Variants in STPG1 observed in about 807,000 individuals in gnomAD.
STPG1 encodes O(6)-methylguanine-induced apoptosis 2.
STPG1 carries 33 observed loss-of-function variants against 40.1 expected under a neutral mutation model. The observed-to-expected ratio is 0.82, with a 90% CI of 0.62 to 1.10. The LOEUF (loss-of-function observed/expected upper bound fraction) is 1.10. STPG1 is among the 50% of genes least tolerant of loss of function. STPG1 has a pLI of 0.00. For synonymous variants in STPG1, 150 were observed against 155.0 expected (o/e 0.97, Z 0.24); for missense variants, 396 against 415.1 (o/e 0.95, Z 0.40).
chr1:24,376,904 C>A (rs986345810), intron 5 of STPG1, among the ~76,000 whole-genome samples: 8 of 152,124 alleles, frequency 5.3e-5, no homozygotes, highest in Non-Finnish European at 8.8e-5. Flanking sequence ...TTTCCAGAAC[C>A]CACTCTCCAA....
rs775686308 is a variant in STPG1, at chr1:24,358,260, G to A, written c.*283C>T. 4.4e-5 allele frequency: 28 copies of A among 631,392 alleles called. No homozygotes were observed. Among genetic ancestry groups the A allele is most frequent in the South Asian group, 4.2e-4 (28 of 66,120 alleles). 39.1% of individuals were successfully genotyped at this position (631,392 alleles called of 1,614,324 possible). ...GTCGTGCCGGAAGGCAGCCTGGATGGGTGCGTGGGGAAGCAGCCAGGGGGC... is the reference window on the plus strand; with the variant it reads ...GTCGTGCCGGAAGGCAGCCTGGATGAGTGCGTGGGGAAGCAGCCAGGGGGC... On this transcript the variant is annotated 3_prime_UTR_variant, in exon 9 of 9. Transcript: ENST00000337248.
upstream of STPG1, chr1:24,414,066 CAG>C (rs1643898523): frequency 6.6e-6 from 1 of 150,830 alleles, no homozygotes; most frequent in East Asian, 1.9e-4. Flanking sequence ...TTTTTTGAGA[CAG>C]AGTCTCGCTT....
intron 3 of STPG1, among the ~76,000 whole-genome samples, chr1:24,385,870 G>A (rs1642484044): frequency 6.6e-6 from 1 of 152,218 alleles, no homozygotes; most frequent in Non-Finnish European, 1.5e-5. Flanking sequence ...TGGGCCTTGG[G>A]TGCTTTTGAG....
intron 4 of STPG1, among the ~76,000 whole-genome samples, chr1:24,382,202 C>G (rs1642316563): frequency 6.6e-6 from 1 of 152,150 alleles, no homozygotes; most frequent in South Asian, 2.1e-4. Flanking sequence ...GCACGCAAAG[C>G]CTTGTAGACA....
rs754819557 is a variant in STPG1 at position 24,379,827 on chromosome 1, T to G, written c.292-4A>C. 1 of 1,613,148 alleles carries G rather than the reference T, an allele frequency of 6.2e-7. No individual in the cohort carries two copies. The highest frequency in any genetic ancestry group is 8.5e-7 in the Non-Finnish European group (1 of 1,179,200). ...TGATGGTGTCCAATCGGGCGCACTG[T>G]AAGGAGACAACCAAAGGAATCAGCA... is the stretch of plus-strand genomic sequence containing the variant. On this transcript the variant is annotated splice_region_variant and splice_polypyrimidine_tract_variant and intron_variant, in intron 4 of 8. Transcript: ENST00000337248.
In STPG1 at chr1:24,401,438, T is replaced by C. The variant is rs753041902; in HGVS notation, c.-50A>G. The C allele has an allele frequency of 1.3e-6, 2 of 1,534,866 alleles. No individual in the cohort carries two copies. The highest frequency in any genetic ancestry group is 3.4e-5 in the Admixed American group (2 of 59,262). On this transcript the variant is annotated 5_prime_UTR_variant, in exon 2 of 9. Coordinates refer to ENST00000337248, the MANE Select transcript of STPG1 (RefSeq NM_001199013.2). Reference sequence around the variant, plus strand: ...CCATTTGTTTGATGAAAAGTTCTACTGCATGTTCTCCTAAGCACCTGAAAC... The same window carrying C: ...CCATTTGTTTGATGAAAAGTTCTACCGCATGTTCTCCTAAGCACCTGAAAC...
At position 24,383,944 on chromosome 1, in the gene STPG1, A is replaced by G. The variant is rs554487532; in HGVS notation, c.249T>C (p.Ser83=). Residue 83 remains serine, a synonymous_variant, in exon 4 of 9, where the codon AGT becomes AGC. Transcript: ENST00000337248. ...NVIHQSPVSN[S]VSLSKKGTCM... Reference sequence around the variant, plus strand: ...AAGTTCCTTTCTTGGACAATGAGACACTGTTGGACACCGGTGACTGGTGAA... The same window carrying G: ...AAGTTCCTTTCTTGGACAATGAGACGCTGTTGGACACCGGTGACTGGTGAA... 1.9e-6 allele frequency: 3 copies of G among 1,614,080 alleles called. No individual in the cohort carries two copies. The African/African-American group carries it at 4.0e-5, about 22-fold the overall frequency.
intron 2 of STPG1, among the ~76,000 whole-genome samples, chr1:24,395,792 G>A (rs1305112092): frequency 6.6e-6 from 1 of 152,042 alleles, no homozygotes; most frequent in African/African-American, 2.4e-5. Context: ...GGCCGGGTGT[G>A]GTAGCCTGTA....
Position 24,391,601 on chromosome 1 carries a change from T to C in STPG1, c.149A>G (p.Lys50Arg), listed in dbSNP as rs771081237. ...TCTCTTGGCTTGACTATTGAATCCTTTTTTTTCTGATTCTGGGATTACTGA... is the reference window on the plus strand; with the variant it reads ...TCTCTTGGCTTGACTATTGAATCCTCTTTTTTCTGATTCTGGGATTACTGA... ...QASVIPESEK[K>R]GFNSQAKRFP... Residue 50 changes from lysine (K) to arginine (R), a missense_variant, in exon 3 of 9, where the codon AAA becomes AGA. Transcript: ENST00000337248. The C allele has an allele frequency of 6.5e-7, 1 of 1,548,774 alleles. No homozygotes were observed. Among genetic ancestry groups the C allele is most frequent in the South Asian group, 1.2e-5 (1 of 84,020 alleles).
intron 6 of STPG1, 65 bp downstream of exon 6, chr1:24,373,636 TG>T (rs1190734322): frequency 9.4e-7 from 1 of 1,061,774 alleles, no homozygotes; most frequent in African/African-American, 1.6e-5. Flanking sequence ...AAGAAGTAGG[TG>T]CCCTGCAAAT....
At chr1:24,391,753 G>A in intron 2 of STPG1, 74 bp from the exon 3 acceptor site, 1 of 1,203,252 alleles carries the variant, frequency 8.3e-7, no homozygotes, top group East Asian at 2.9e-5. Context: ...ACACAAAGGT[G>A]TATATTAAAG....
At chr1:24,366,588 C>A (rs1157924194) in intron 7 of STPG1, among the ~76,000 whole-genome samples, 3 of 152,170 alleles carry the variant, frequency 2.0e-5, no homozygotes, top group Non-Finnish European at 4.4e-5. Context: ...TTCTTAGCTT[C>A]ATCTTTCCCA....
intron 2 of STPG1, among the ~76,000 whole-genome samples, chr1:24,395,414 G>A (rs1191407390): frequency 6.7e-6 from 1 of 148,848 alleles, no homozygotes; most frequent in Non-Finnish European, 1.5e-5. Flanking sequence ...AAAATTATGA[G>A]TATAAATTGA....
At chr1:24,378,046 G>C (rs2148693828) in intron 5 of STPG1, among the ~76,000 whole-genome samples, 1 of 151,112 alleles carries the variant, frequency 6.6e-6, no homozygotes, top group South Asian at 2.1e-4. Context: ...TTCAGGCTCT[G>C]ATTATGCCGA....
intron 4 of STPG1, among the ~76,000 whole-genome samples, chr1:24,381,472 C>T (rs1477822066): frequency 6.6e-6 from 1 of 152,218 alleles, no homozygotes; most frequent in Non-Finnish European, 1.5e-5. Flanking sequence ...CACCTACTAA[C>T]TTTTCTAGAG....
chr1:24,369,555 T>C (rs1174981229), intron 7 of STPG1, 119 bp downstream of exon 7: 21 of 1,112,140 alleles, frequency 1.9e-5, no homozygotes, highest in Non-Finnish European at 2.8e-5. Context: ...TAAGGGCCCC[T>C]GAAGAGAGTG....
chr1:24,369,717 T>C lies in STPG1; in HGVS notation c.694A>G (p.Asn232Asp). ...GGAACTTTTGTGCAATCACTGGGGT[T>C]GTAATAACCAGGTCCCGGGCCTGTT... ...TSTGPGPGYY[N>D]PSDCTKVPKK... Residue 232 changes from asparagine (N) to aspartate (D), a missense_variant, in exon 7 of 9, where the codon AAC (asparagine) becomes GAC (aspartate). Coordinates refer to ENST00000337248, the MANE Select transcript of STPG1 (RefSeq NM_001199013.2). 1 of 1,608,962 alleles carries C rather than the reference T, an allele frequency of 6.2e-7. No individual in the cohort carries two copies. Among genetic ancestry groups the C allele is most frequent in the South Asian group, 1.1e-5 (1 of 90,526 alleles).
Position 24,379,742 on chromosome 1 carries a change from C to T in STPG1, c.373G>A (p.Asp125Asn), listed in dbSNP as rs759999066. 1 of 1,614,164 alleles carries T rather than the reference C, an allele frequency of 6.2e-7. No homozygotes were observed. The highest frequency in any genetic ancestry group is 1.7e-5 in the Admixed American group (1 of 60,020). The change falls in exon 5 of 9, where the codon GAC becomes AAC. Residue 125 changes from aspartate (D) to asparagine (N), a missense_variant. Physicochemically the swap from Asp to Asn is conservative, Grantham distance 23. Coordinates refer to ENST00000337248, the MANE Select transcript of STPG1 (RefSeq NM_001199013.2). ...TIPSDFISKR[D>N]FSNSCSSMFQ... The stretch of plus-strand genomic sequence containing the variant: ...ATGCTGGAACACGAATTACTAAAGT[C>T]TCTCTTGGAAATAAAATCCGATGGG...
chr1:24,386,618 G>A (rs1425549240), intron 3 of STPG1, among the ~76,000 whole-genome samples: 8 of 152,218 alleles, frequency 5.3e-5, no homozygotes, highest in African/African-American at 2.4e-5. Flanking sequence ...GTAGGTCTCT[G>A]GGAGGGAAAT....
Sources: allele counts gnomAD v4.1 joint callset (sites outside exome capture counted in the v4.1 genomes callset), GRCh38; gene constraint gnomAD v4.1.1; transcripts MANE v1.5; gene names NCBI Gene and HGNC (gene_info 2026-07-23, HGNC 2026-07-21).